Variants in MSANTD5 observed in about 807,000 individuals in gnomAD.
MSANTD5 encodes Myb/SANT DNA binding domain containing 5, also known as uncharacterized protein MSANTD5.
the MSANTD5 span, among the ~76,000 whole-genome samples, chr5:178,704,598 G>A: frequency 6.6e-6 from 1 of 152,142 alleles, no homozygotes; most frequent in Non-Finnish European, 1.5e-5. Context: ...AAAACAAATG[G>A]GTATGTAGTG....
the MSANTD5 span, among the ~76,000 whole-genome samples, chr5:178,704,755 C>T: frequency 6.6e-6 from 1 of 152,222 alleles, no homozygotes; most frequent in East Asian, 1.9e-4. Flanking sequence ...TAAGGAGTCA[C>T]TGTTTTAGTG....
chr5:178,701,676 A>T (rs112704841), upstream of MSANTD5, among the ~76,000 whole-genome samples: 1,243 of 147,880 alleles, frequency 8.4e-3, 7 homozygotes, highest in African/African-American at 0.024. Flanking sequence ...CCATCTCAAA[A>T]ATATATATAT....
upstream of MSANTD5, among the ~76,000 whole-genome samples, chr5:178,699,258 AC>A (rs34391924): frequency 6.6e-6 from 1 of 151,978 alleles, no homozygotes; most frequent in African/African-American, 2.4e-5. Context: ...CAGCGTGTTC[AC>A]CCCCAGCATC....
chr5:178,696,995 A>G (rs1262211110), intron 1 of MSANTD5, among the ~76,000 whole-genome samples: 2 of 152,148 alleles, frequency 1.3e-5, no homozygotes, highest in Non-Finnish European at 2.9e-5. Context: ...AAGTCTGCCT[A>G]GTCCAAGGGG....
At chr5:178,696,713 G>A (rs749867201) in intron 1 of MSANTD5, among the ~76,000 whole-genome samples, 16 of 152,024 alleles carry the variant, frequency 1.1e-4, no homozygotes, top group African/African-American at 3.6e-4. Flanking sequence ...CAAGCAGAGC[G>A]TGTGTTCTCC....
At chr5:178,694,783 C>T (rs1391520487) in exon 4 of MSANTD5, 1 of 152,208 alleles carries the variant, frequency 6.6e-6, no homozygotes, top group Non-Finnish European at 1.5e-5. Flanking sequence ...ATATATGGAA[C>T]ATGACCATTC....
chr5:178,702,311 T>C (rs966179417), upstream of MSANTD5, among the ~76,000 whole-genome samples: 8 of 147,362 alleles, frequency 5.4e-5, no homozygotes, highest in African/African-American at 1.0e-4. Context: ...CTTTTTTTTT[T>C]TTTTTTTGAC....
chr5:178,695,502 T>C (rs1765402577), exon 3 of MSANTD5: 1 of 152,130 alleles, frequency 6.6e-6, no homozygotes, highest in African/African-American at 2.4e-5. Context: ...TACTATGTGA[T>C]ACTTCTTCTT....
At chr5:178,706,363 GTCC>G in the MSANTD5 span, among the ~76,000 whole-genome samples, 1,536 of 152,176 alleles carry the variant, frequency 0.01, 22 homozygotes, top group African/African-American at 0.035. Context: ...TCCCCAAATG[GTCC>G]TCCTCGGGGA....
chr5:178,705,553 G>A, the MSANTD5 span, among the ~76,000 whole-genome samples: 1 of 152,214 alleles, frequency 6.6e-6, no homozygotes, highest in Non-Finnish European at 1.5e-5. Flanking sequence ...TCCCTTCAGG[G>A]CAGCGCCTAA....
At chr5:178,699,882 T>C (rs7709633), upstream of MSANTD5, among the ~76,000 whole-genome samples, 2 of 34,232 alleles carry the variant, frequency 5.8e-5, no homozygotes, top group African/African-American at 1.0e-4. Context: ...TGGCTTCTAA[T>C]GGGGACCCTG....
chr5:178,695,646 C>T (rs904613616), intron 2 of MSANTD5, 48 bp from the exon 3 acceptor site: 6 of 152,162 alleles, frequency 3.9e-5, no homozygotes, highest in Admixed American at 2.6e-4. Flanking sequence ...CTCACCTGCA[C>T]ATGTGCAGGA....
At chr5:178,693,886 G>A (rs1765382446), downstream of MSANTD5, among the ~76,000 whole-genome samples, 2 of 152,106 alleles carry the variant, frequency 1.3e-5, no homozygotes, top group Middle Eastern at 3.4e-3. Context: ...ACCTCTCAAT[G>A]AGACCACCCA....
exon 1 of MSANTD5, chr5:178,697,628 T>C (rs1404033841): frequency 6.6e-6 from 1 of 152,212 alleles, no homozygotes; most frequent in Non-Finnish European, 1.5e-5. Flanking sequence ...GTCTTCTCAC[T>C]GTGCCTGCAG....
chr5:178,697,260 C>T (rs1474309880), intron 1 of MSANTD5, among the ~76,000 whole-genome samples: 2 of 149,444 alleles, frequency 1.3e-5, no homozygotes, highest in Non-Finnish European at 3.0e-5. Context: ...CGAGACCATC[C>T]TGGCTAACAC....
the MSANTD5 span, among the ~76,000 whole-genome samples, chr5:178,704,674 C>A: frequency 6.6e-6 from 1 of 152,228 alleles, no homozygotes; most frequent in African/African-American, 2.4e-5. Flanking sequence ...TCAGAAATTG[C>A]GGATGTCTAC....
chr5:178,697,278 C>A lies in MSANTD5; in HGVS notation c.6+308G>T, dbSNP rs1218439843. On this transcript the variant is annotated intron_variant, in intron 1 of 3. Transcript: ENST00000648368. Reference sequence around the variant, plus strand: ...GACCATCCTGGCTAACACGGTGAAACCCCGTCTCTACTAAAAATACAAAAA... The same window carrying A: ...GACCATCCTGGCTAACACGGTGAAAACCCGTCTCTACTAAAAATACAAAAA... Among the ~76,000 whole-genome samples, 6 of 148,596 alleles carry A rather than the reference C, an allele frequency of 4.0e-5. No individual in the cohort carries two copies. In the South Asian group the frequency reaches 1.0e-3, roughly 26 times the overall value.
chr5:178,697,228 G>A (rs1173265697), intron 1 of MSANTD5, among the ~76,000 whole-genome samples: 1 of 152,094 alleles, frequency 6.6e-6, no homozygotes, highest in Non-Finnish European at 1.5e-5. Context: ...GCCGAGGCGG[G>A]CGGATCACGA....
upstream of MSANTD5, among the ~76,000 whole-genome samples, chr5:178,699,907 G>A (rs944224260): frequency 3.3e-5 from 5 of 151,162 alleles, no homozygotes; most frequent in African/African-American, 1.2e-4. Context: ...TCTTGTCCTC[G>A]GTATATGCAC....
Sources: allele counts gnomAD v4.1 joint callset (sites outside exome capture counted in the v4.1 genomes callset), GRCh38; gene constraint gnomAD v4.1.1; transcripts MANE v1.5; gene names NCBI Gene and HGNC (gene_info 2026-07-23, HGNC 2026-07-21).